The following CFAP20DC variants were observed in gnomAD, a reference collection of about 807,000 sequenced individuals.
CFAP20DC encodes the protein CFAP20 domain containing, also known as protein CFAP20DC.
CFAP20DC carries 84 observed loss-of-function variants against 101.7 expected under a neutral mutation model. That is an observed-to-expected ratio of 0.83 (90% CI 0.69 to 0.99). The LOEUF (loss-of-function observed/expected upper bound fraction) is 0.99. Ranked by LOEUF, CFAP20DC falls within the 50% of genes least tolerant of loss-of-function variation. CFAP20DC has a pLI of 0.00. For synonymous variants in CFAP20DC, 359 were observed against 351.2 expected, an observed-to-expected ratio of 1.02 and a Z score of -0.25; for missense variants, 1,007 against 970.3, an observed-to-expected ratio of 1.04 and a Z score of -0.50.
chr3:58,895,053 C>G (rs1041341174), intron 6 of CFAP20DC, among the ~76,000 whole-genome samples: 1 of 152,318 alleles, frequency 6.6e-6, no homozygotes, highest in South Asian at 2.1e-4. Context: ...CTGGGCCTGG[C>G]CCATGAAACC....
chr3:58,804,301 A>T (rs571403675), intron 15 of CFAP20DC, among the ~76,000 whole-genome samples: 2 of 152,230 alleles, frequency 1.3e-5, no homozygotes, highest in South Asian at 2.1e-4. Flanking sequence ...TTATTGAAAC[A>T]AATGGCTCCA....
intron 6 of CFAP20DC, among the ~76,000 whole-genome samples, chr3:58,890,395 G>A (rs1287039277): frequency 2.1e-5 from 3 of 140,098 alleles, no homozygotes; most frequent in Admixed American, 6.8e-5. Flanking sequence ...GGGCAGAGGC[G>A]CCCCTCACCT....
intron 15 of CFAP20DC, among the ~76,000 whole-genome samples, chr3:58,802,184 G>C (rs186154765): frequency 6.6e-6 from 1 of 151,786 alleles, no homozygotes; most frequent in African/African-American, 2.4e-5. Flanking sequence ...TTTTTCTGAA[G>C]AATCTACACA....
intron 5 of CFAP20DC, among the ~76,000 whole-genome samples, chr3:58,930,936 C>T (rs552381248): frequency 6.8e-4 from 104 of 152,216 alleles, no homozygotes; most frequent in African/African-American, 1.2e-3. Flanking sequence ...GTGGGTGCAG[C>T]GCACTGTGAG....
chr3:58,807,122 G>T (rs1419651268), intron 14 of CFAP20DC, among the ~76,000 whole-genome samples: 1 of 152,188 alleles, frequency 6.6e-6, no homozygotes, highest in African/African-American at 2.4e-5. Context: ...GCCTCTGTAG[G>T]CTCCACCTCT....
intron 15 of CFAP20DC, among the ~76,000 whole-genome samples, chr3:58,774,547 C>G (rs952610442): frequency 3.3e-5 from 5 of 152,216 alleles, no homozygotes; most frequent in African/African-American, 1.2e-4. Context: ...AAAGATCACA[C>G]AATAAAATAG....
intron 7 of CFAP20DC, among the ~76,000 whole-genome samples, chr3:58,877,227 T>C (rs1447771412): frequency 6.6e-6 from 1 of 152,328 alleles, no homozygotes; most frequent in Admixed American, 6.5e-5. Flanking sequence ...TAGTCGGGCA[T>C]GTATTGCTCT....
intron 14 of CFAP20DC, among the ~76,000 whole-genome samples, chr3:58,809,472 A>T (rs548576686): frequency 1.1e-3 from 161 of 152,288 alleles, no homozygotes; most frequent in Non-Finnish European, 2.1e-4. Flanking sequence ...TAACGAAATG[A>T]AGGCAGAAAT....
At chr3:59,045,597 T>A (rs1490658748) in intron 3 of CFAP20DC, among the ~76,000 whole-genome samples, 2 of 152,062 alleles carry the variant, frequency 1.3e-5, no homozygotes, top group Admixed American at 1.3e-4. Context: ...TCTCTCAGGG[T>A]TTCTTCTGCT....
intron 14 of CFAP20DC, among the ~76,000 whole-genome samples, chr3:58,815,586 A>T (rs2075051871): frequency 6.6e-6 from 1 of 151,542 alleles, no homozygotes; most frequent in South Asian, 2.1e-4. Context: ...ACAAAATGGG[A>T]GAAAATTTTC....
At chr3:58,927,380 TAGAAGGCCCAGGC>T (rs1310189711) in intron 5 of CFAP20DC, among the ~76,000 whole-genome samples, 4 of 152,108 alleles carry the variant, frequency 2.6e-5, no homozygotes. Context: ...AATGTACACC[TAGAAGGCCCAGGC>T]AGAAAACTGA....
At chr3:58,797,380 C>T (rs1255632898) in intron 15 of CFAP20DC, among the ~76,000 whole-genome samples, 1 of 152,174 alleles carries the variant, frequency 6.6e-6, no homozygotes, top group African/African-American at 2.4e-5. Flanking sequence ...TCAAACCAGC[C>T]ACAACATTCC....
chr3:58,844,455 G>C (rs1172722990), intron 13 of CFAP20DC, among the ~76,000 whole-genome samples: 10 of 140,436 alleles, frequency 7.1e-5, no homozygotes, highest in South Asian at 2.2e-4. Flanking sequence ...TCAACAAGAA[G>C]AGCTAACTAT....
intron 4 of CFAP20DC, among the ~76,000 whole-genome samples, chr3:59,031,991 G>A (rs909777983): frequency 3.3e-5 from 5 of 152,240 alleles, no homozygotes; most frequent in African/African-American, 1.2e-4. Flanking sequence ...TTCCAACTGA[G>A]GTACCCAGCT....
chr3:58,898,564 A>G (rs1457483212), intron 6 of CFAP20DC, among the ~76,000 whole-genome samples: 3 of 152,122 alleles, frequency 2.0e-5, no homozygotes, highest in African/African-American at 7.2e-5. Context: ...TAAACTGGCT[A>G]TTTTGGCTAT....
chr3:58,782,964 C>CA (rs937822080), intron 15 of CFAP20DC, among the ~76,000 whole-genome samples: 24 of 151,290 alleles, frequency 1.6e-4, no homozygotes, highest in Non-Finnish European at 3.3e-4. Context: ...AAATTTTGAG[C>CA]AAAAAACAAA....
intron 15 of CFAP20DC, among the ~76,000 whole-genome samples, chr3:58,778,399 CGT>C (rs2071530467): frequency 6.6e-6 from 1 of 152,088 alleles, no homozygotes. Context: ...TGAGGTGGGG[CGT>C]TCTCTACCTG....
chr3:58,783,612 T>G (rs2072043202), intron 15 of CFAP20DC, among the ~76,000 whole-genome samples: 1 of 151,784 alleles, frequency 6.6e-6, no homozygotes, highest in Admixed American at 6.6e-5. Flanking sequence ...AACCAAATTA[T>G]CCCATTAAAA....
At chr3:58,840,354 T>C (rs1323798989) in intron 13 of CFAP20DC, among the ~76,000 whole-genome samples, 1 of 152,196 alleles carries the variant, frequency 6.6e-6, no homozygotes, top group Non-Finnish European at 1.5e-5. Flanking sequence ...TGCTACTAGT[T>C]ATGCCCAAAT....
Sources: gnomAD v4.1 joint callset for allele counts (sites outside exome capture counted in the v4.1 genomes callset) on GRCh38, gnomAD v4.1.1 for gene constraint, MANE v1.5 for transcripts, NCBI Gene and HGNC (gene_info 2026-07-23, HGNC 2026-07-21) for gene names.